SH3BP1: variants seen among roughly 807,000 people sequenced by gnomAD.
The protein encoded by SH3BP1 is SH3 domain-binding protein 1.
Under a neutral mutation model 69.8 loss-of-function variants are expected in SH3BP1, and 46 were observed. The ratio of observed to expected loss-of-function variants is 0.66; its 90% CI spans 0.52 to 0.84. SH3BP1 has a LOEUF of 0.84. SH3BP1 is among the 40% of genes least tolerant of loss of function. The pLI is 0.00. For missense variants in SH3BP1, 868 were observed against 930.9 expected, an observed-to-expected ratio of 0.93 and a Z score of 0.88; for synonymous variants, 403 against 378.0, an observed-to-expected ratio of 1.07 and a Z score of -0.77.
chr22:37,648,276 TG>T, intron 13 of SH3BP1, 42 bp from the exon 14 acceptor site: 1 of 1,353,814 alleles, frequency 7.4e-7, no homozygotes, highest in Non-Finnish European at 1.0e-6. Context: ...TTCTCAGGGC[TG>T]GGTGCGTTCT....
intron 7 of SH3BP1, among the ~76,000 whole-genome samples, chr22:37,644,147 A>G (rs1015171740): frequency 2.0e-5 from 3 of 152,242 alleles, no homozygotes; most frequent in Non-Finnish European, 4.4e-5. Flanking sequence ...GGGGAGGCCG[A>G]GGCAGGCGAA....
At chr22:37,643,255 A>G in intron 6 of SH3BP1, 81 bp downstream of exon 6, 1 of 1,241,710 alleles carries the variant, frequency 8.1e-7, no homozygotes, top group Non-Finnish European at 1.2e-6. Context: ...CCCTGGCCAC[A>G]CCAGGAGGAT....
At chr22:37,644,572 C>G (rs1932745467) in intron 7 of SH3BP1, 65 bp from the exon 8 acceptor site, 6 of 1,512,412 alleles carry the variant, frequency 4.0e-6, no homozygotes, top group African/African-American at 1.4e-5. Flanking sequence ...CCCTTCCAAG[C>G]CTCCTCTTCC....
At chr22:37,648,279 G>T (rs758776826) in intron 13 of SH3BP1, 40 bp from the exon 14 acceptor site, 1 of 1,392,144 alleles carries the variant, frequency 7.2e-7, no homozygotes, top group South Asian at 1.2e-5. Flanking sequence ...TCAGGGCTGG[G>T]TGCGTTCTGC....
Position 37,655,594 on chromosome 22 carries a change from A to G in SH3BP1, c.2016A>G (p.Gly672=). 1 of 1,589,076 alleles carries G rather than the reference A, an allele frequency of 6.3e-7. No individual in the cohort carries two copies. The highest frequency in any genetic ancestry group is 8.6e-7 in the Non-Finnish European group (1 of 1,168,176). Residue 672 remains glycine, a synonymous_variant, in exon 18 of 18, where the codon GGA becomes GGG. Transcript: ENST00000649765. ...QVDLGAATAE[G]GAPEAISGVP... is the part of the protein sequence containing the mutation. Reference sequence around the variant, plus strand: ...ACCTGGGGGCTGCCACAGCAGAGGGAGGAGCCCCTGAGGCTATCAGTGGGG... The same window carrying G: ...ACCTGGGGGCTGCCACAGCAGAGGGGGGAGCCCCTGAGGCTATCAGTGGGG...
At chr22:37,653,302 G>GGT (rs1932921288) in intron 16 of SH3BP1, among the ~76,000 whole-genome samples, 1 of 151,962 alleles carries the variant, frequency 6.6e-6, no homozygotes, top group East Asian at 1.9e-4. Context: ...TGGGCATGGT[G>GGT]GTGTGTGCCT....
At chr22:37,645,145 T>A in intron 9 of SH3BP1, 185 bp downstream of exon 9, 1 of 824,852 alleles carries the variant, frequency 1.2e-6, no homozygotes, top group Non-Finnish European at 1.9e-6. Context: ...CGGGCAGGAC[T>A]AGAGCCAGGC....
In SH3BP1 at chr22:37,655,688, G is replaced by T. The variant is rs1259061709; in HGVS notation, c.*4G>T. On this transcript the variant is annotated 3_prime_UTR_variant, in exon 18 of 18. Transcript: ENST00000649765. ...CCTTGCCTCAGAGACCAACTGAGTG[G>T]CTGGTTTCTCCCTAAGCAGCCCTCA... is the stretch of plus-strand genomic sequence containing the variant. 7 of 1,494,144 alleles carry T rather than the reference G, an allele frequency of 4.7e-6. No individual in the cohort carries two copies. Among genetic ancestry groups the T allele is most frequent in the African/African-American group, 4.2e-5 (3 of 70,848 alleles). The allele number at this position is 1,494,144 out of a possible 1,614,324, so 92.6% of individuals were successfully genotyped here.
In SH3BP1 at chr22:37,646,941, G is replaced by C; in HGVS notation, c.1036+12G>C. 1 of 1,499,998 alleles carries C rather than the reference G, an allele frequency of 6.7e-7. No homozygotes were observed. Among genetic ancestry groups the C allele is most frequent in the Non-Finnish European group, 8.9e-7 (1 of 1,125,624 alleles). 92.9% of individuals were successfully genotyped at this position (1,499,998 alleles called of 1,614,324 possible). On this transcript the variant is annotated intron_variant, in intron 11 of 17. Coordinates refer to ENST00000649765, the MANE Select transcript of SH3BP1 (RefSeq NM_018957.6). The stretch of plus-strand genomic sequence containing the variant: ...GCACGCTGTGGCAGGTGCCTGATCC[G>C]GGGAGCCCTGGGCAGGAGGTTGGGG...
chr22:37,647,480 G>T lies in SH3BP1; in HGVS notation c.1158G>T (p.Glu386Asp). 6.2e-7 allele frequency: 1 copy of T among 1,609,202 alleles called. No homozygotes were observed. The highest frequency in any genetic ancestry group is 8.5e-7 in the Non-Finnish European group (1 of 1,179,674). The change falls in exon 13 of 18, where the codon GAG becomes GAT. Residue 386 changes from glutamate (E) to aspartate (D), a missense_variant. Coordinates refer to ENST00000649765, the MANE Select transcript of SH3BP1 (RefSeq NM_018957.6). ...GGGCCCGGCTGCAGGCCCTCCAAGA[G>T]GTGTGCAGCCGCCTACCCCCCGAGA... ...EPGARLQALQ[E>D]VCSRLPPENL...
intron 14 of SH3BP1, chr22:37,648,700 C>CTT (rs993648456): frequency 0.053 from 8,353 of 157,604 alleles, 302 homozygotes; most frequent in South Asian, 0.075. Context: ...AGATCGGGTT[C>CTT]TTTTTTTTTT....
At position 37,645,480 on chromosome 22, in the gene SH3BP1, G is replaced by A; in HGVS notation, c.894G>A (p.Met298Ile). 6.2e-7 allele frequency: 1 copy of A among 1,613,462 alleles called. No individual in the cohort carries two copies. Among genetic ancestry groups the A allele is most frequent in the East Asian group, 2.2e-5 (1 of 44,878 alleles). Residue 298 changes from methionine to isoleucine, a missense_variant, in exon 10 of 18, where the codon ATG becomes ATA. Physicochemically the swap from Met to Ile is conservative, Grantham distance 10 (BLOSUM62 1). Coordinates refer to ENST00000649765, the MANE Select transcript of SH3BP1 (RefSeq NM_018957.6). ...CCCTGCCCATCGAGGCCTGCGTCAT[G>A]ATGCTGCTTTCTGAGGGCATGAAGG... ...EIALPIEACV[M>I]MLLSEGMKEE...
At chr22:37,648,920 GTC>G (rs2146063398) in intron 14 of SH3BP1, 1 of 164,200 alleles carries the variant, frequency 6.1e-6, no homozygotes, top group South Asian at 1.5e-4. Flanking sequence ...AGCCAGGGTG[GTC>G]TCGATCTCCT....
chr22:37,645,259 A>G (rs1381145154), intron 9 of SH3BP1, 106 bp from the exon 10 acceptor site: 7 of 1,342,170 alleles, frequency 5.2e-6, no homozygotes, highest in African/African-American at 4.4e-5. Context: ...GTGCCTGGAC[A>G]GTCAGTGGCA....
intron 16 of SH3BP1, 56 bp downstream of exon 16, chr22:37,650,781 G>A: frequency 1.3e-6 from 2 of 1,513,586 alleles, no homozygotes; most frequent in Non-Finnish European, 1.8e-6. Flanking sequence ...CAGCCTGCCT[G>A]AGGCGCCATG....
intron 10 of SH3BP1, 80 bp from the exon 11 acceptor site, chr22:37,646,738 C>A: frequency 1.2e-6 from 1 of 821,866 alleles, no homozygotes; most frequent in Non-Finnish European, 1.8e-6. Context: ...GCCAGTGGCA[C>A]ACCCCAGGCT....
Position 37,655,854 on chromosome 22 carries a change from C to T in SH3BP1, c.*170C>T. 6.6e-7 allele frequency: 1 copy of T among 1,520,436 alleles called. No homozygotes were observed. The highest frequency in any genetic ancestry group is 1.2e-5 in the South Asian group (1 of 80,722). The allele number at this position is 1,520,436 out of a possible 1,614,324, so 94.2% of individuals were successfully genotyped here. A position where few individuals can be genotyped will look rare whatever the true frequency, so the allele number is the denominator to read the frequency against. On this transcript the variant is annotated 3_prime_UTR_variant, in exon 18 of 18. Coordinates refer to ENST00000649765, the MANE Select transcript of SH3BP1 (RefSeq NM_018957.6). ...GGCCAGGAGGGCTCAGGACAATCCT[C>T]TATTTCCTGACCTTTTCCTCGTCCA...
intron 13 of SH3BP1, among the ~76,000 whole-genome samples, chr22:37,647,922 C>T (rs529490826): frequency 2.6e-5 from 4 of 152,306 alleles, no homozygotes; most frequent in East Asian, 1.9e-4. Context: ...GTGATCCACC[C>T]GCCTCAGCCT....
Position 37,655,508 on chromosome 22 carries a change from C to G in SH3BP1, c.1930C>G (p.Pro644Ala). The change falls in exon 18 of 18, where the codon CCG becomes GCG. Residue 644 changes from proline (P) to alanine (A), a missense_variant. By Grantham distance (27) the Pro-to-Ala change is conservative. Around this residue, in one of 3 missense-constraint regions of SH3BP1, gnomAD observed 474 missense variants for 462.3 expected, o/e 1.03. Coordinates refer to ENST00000649765, the MANE Select transcript of SH3BP1 (RefSeq NM_018957.6). ...CCGGCGTTCACCAGCCTCCCCCAGC[C>G]CGGCCTCCCCAGGTCCAGCCTCCCC... is the stretch of plus-strand genomic sequence containing the variant. ...QSRRSPASPSPASPGPASPSP... is the reference protein window; with the variant it reads ...QSRRSPASPSAASPGPASPSP... The G allele has an allele frequency of 3.2e-6, 5 of 1,575,184 alleles. No individual in the cohort carries two copies. The highest frequency in any genetic ancestry group is 4.3e-6 in the Non-Finnish European group (5 of 1,161,660).
Sources: allele counts gnomAD v4.1 joint callset (sites outside exome capture counted in the v4.1 genomes callset), GRCh38; gene constraint gnomAD v4.1.1; regional missense constraint gnomAD v4.1.1; transcripts MANE v1.5; gene names NCBI Gene and HGNC (gene_info 2026-07-23, HGNC 2026-07-21).